The following ZNF385D variants were observed in gnomAD, a reference collection of about 807,000 sequenced individuals.
The protein encoded by ZNF385D is zinc finger protein 385D, also known as zinc finger protein 659.
In ZNF385D, 15 loss-of-function variants were observed where a neutral mutation model predicts 35.8. That is an observed-to-expected ratio of 0.42 (90% CI 0.28 to 0.64). The LOEUF (loss-of-function observed/expected upper bound fraction) is 0.64, where lower values mean the gene tolerates loss of function less well. Ranked by LOEUF, ZNF385D falls within the 30% of genes least tolerant of loss-of-function variation. The pLI is 0.23. For synonymous variants in ZNF385D, 212 were observed against 186.8 expected (o/e 1.13, Z -1.10); for missense variants, 474 against 494.6 (o/e 0.96, Z 0.39).
chr3:22,037,061 A>C (rs1254295117), intron 3 of ZNF385D, among the ~76,000 whole-genome samples: 1 of 151,968 alleles, frequency 6.6e-6, no homozygotes, highest in Non-Finnish European at 1.5e-5. Context: ...TTATGGCTGC[A>C]TAGTATTTTA....
intron 3 of ZNF385D, among the ~76,000 whole-genome samples, chr3:21,768,678 C>T (rs1575616368): frequency 6.6e-6 from 1 of 151,924 alleles, no homozygotes; most frequent in South Asian, 2.1e-4. Context: ...GGAATATGTG[C>T]TTTGATCACT....
At chr3:21,995,537 G>C (rs1157919852) in intron 3 of ZNF385D, among the ~76,000 whole-genome samples, 4 of 152,056 alleles carry the variant, frequency 2.6e-5, no homozygotes, top group African/African-American at 9.7e-5. Flanking sequence ...TCAATCCCCA[G>C]GTCGCTGGAT....
chr3:21,893,595 C>G (rs1028621170), intron 3 of ZNF385D, among the ~76,000 whole-genome samples: 4 of 152,106 alleles, frequency 2.6e-5, no homozygotes, highest in African/African-American at 9.7e-5. Context: ...TGTTTTCCCC[C>G]TGAACTCATT....
chr3:22,061,230 A>G (rs12639239), intron 3 of ZNF385D, among the ~76,000 whole-genome samples: 1,917 of 152,330 alleles, frequency 0.013, 29 homozygotes, highest in East Asian at 0.049. Context: ...CAGTGAGCAT[A>G]AAGTATGAAG....
At chr3:21,799,269 T>C (rs375755716) in intron 3 of ZNF385D, among the ~76,000 whole-genome samples, 5 of 152,170 alleles carry the variant, frequency 3.3e-5, no homozygotes, top group East Asian at 1.9e-4. Context: ...CCCATACATG[T>C]TTTTTGGAAT....
chr3:22,008,065 G>A (rs559388791), intron 3 of ZNF385D, among the ~76,000 whole-genome samples: 2 of 152,088 alleles, frequency 1.3e-5, no homozygotes, highest in Admixed American at 1.3e-4. Context: ...AGAGTTTGAT[G>A]AGAAGTAGAA....
chr3:22,061,264 C>T (rs902668751), intron 3 of ZNF385D, among the ~76,000 whole-genome samples: 3 of 152,158 alleles, frequency 2.0e-5, no homozygotes, highest in Admixed American at 1.3e-4. Context: ...TAAATATTAA[C>T]TGAATAATAT....
At chr3:21,794,933 T>C (rs1309509281) in intron 3 of ZNF385D, among the ~76,000 whole-genome samples, 2 of 152,170 alleles carry the variant, frequency 1.3e-5, no homozygotes, top group East Asian at 1.9e-4. Flanking sequence ...AAAATAATGA[T>C]CAGCAAATAT....
chr3:21,683,854 T>C (rs1372682195), intron 1 of ZNF385D, among the ~76,000 whole-genome samples: 2 of 149,974 alleles, frequency 1.3e-5, no homozygotes, highest in Non-Finnish European at 3.0e-5. Context: ...TAAATTCTGC[T>C]AACAAGAATG....
chr3:22,322,628 G>T (rs965824044), intron 2 of ZNF385D, among the ~76,000 whole-genome samples: 1 of 151,974 alleles, frequency 6.6e-6, no homozygotes, highest in East Asian at 1.9e-4. Context: ...TTTAATATTT[G>T]TATCTCTCCC....
At chr3:22,077,408 G>A (rs766554534) in intron 3 of ZNF385D, among the ~76,000 whole-genome samples, 1 of 151,904 alleles carries the variant, frequency 6.6e-6, no homozygotes, top group African/African-American at 2.4e-5. Flanking sequence ...AATTAAAATT[G>A]TCCAACATTG....
At chr3:22,191,302 A>G (rs762393190) in intron 2 of ZNF385D, among the ~76,000 whole-genome samples, 7 of 152,082 alleles carry the variant, frequency 4.6e-5, no homozygotes, top group Non-Finnish European at 8.8e-5. Context: ...AACAGCCTCA[A>G]CATGGAGAAA....
At chr3:22,189,134 G>T (rs1695847573) in intron 2 of ZNF385D, among the ~76,000 whole-genome samples, 1 of 151,968 alleles carries the variant, frequency 6.6e-6, no homozygotes, top group African/African-American at 2.4e-5. Flanking sequence ...GTCTTTTAGG[G>T]TTAAGTTTTG....
Position 21,682,533 on chromosome 3 carries a change from G to A in ZNF385D, c.23-17505C>T, listed in dbSNP as rs1182952386. Among the ~76,000 whole-genome samples, 8 of 150,174 alleles carry A rather than the reference G, an allele frequency of 5.3e-5. 1 individual carries two copies. The highest frequency in any genetic ancestry group is 5.9e-5 in the Non-Finnish European group (4 of 67,422). ...GAAAGGATAGTTGCAGTCATGTCTG[G>A]AAGAAAGGACACATTTTCAGGTCCT... On this transcript the variant is annotated intron_variant, in intron 1 of 7. Coordinates refer to ENST00000281523, the MANE Select transcript of ZNF385D (RefSeq NM_024697.3).
chr3:22,333,510 A>T (rs1403747107), intron 2 of ZNF385D, among the ~76,000 whole-genome samples: 2 of 151,956 alleles, frequency 1.3e-5, no homozygotes, highest in Non-Finnish European at 2.9e-5. Flanking sequence ...ATTCCTATTA[A>T]TTGGTCTTCA....
chr3:22,007,546 T>C (rs1379513533), intron 3 of ZNF385D, among the ~76,000 whole-genome samples: 3 of 152,218 alleles, frequency 2.0e-5, no homozygotes, highest in East Asian at 1.9e-4. Context: ...AATGGTTATG[T>C]AATTTTGAAA....
intron 2 of ZNF385D, among the ~76,000 whole-genome samples, chr3:21,645,149 A>G (rs541164972): frequency 1.8e-4 from 27 of 152,344 alleles, no homozygotes; most frequent in Middle Eastern, 3.4e-3. Flanking sequence ...TCAAAATCAT[A>G]TACTATATCA....
intron 2 of ZNF385D, among the ~76,000 whole-genome samples, chr3:22,177,404 G>T (rs1431135821): frequency 6.6e-6 from 1 of 151,960 alleles, no homozygotes; most frequent in Non-Finnish European, 1.5e-5. Flanking sequence ...GTTATGCCAA[G>T]AAAAAAAGTA....
rs994554094 is a variant in ZNF385D at position 21,528,128 on chromosome 3, C to T, written c.277-17105G>A. Among the ~76,000 whole-genome samples the T allele has an allele frequency of 2.0e-5, 3 of 152,054 alleles. No homozygotes were observed. The East Asian group carries it at 5.8e-4, about 29-fold the overall frequency. On this transcript the variant is annotated intron_variant, in intron 3 of 7. Transcript: ENST00000281523. ...GTTCATTGCACCATGAAGAATTTCT[C>T]AAATATTTCTGTCTTAAATGCAGAT... is the stretch of plus-strand genomic sequence containing the variant.
Sources: allele counts gnomAD v4.1 joint callset (sites outside exome capture counted in the v4.1 genomes callset), GRCh38; gene constraint gnomAD v4.1.1; transcripts MANE v1.5; gene names NCBI Gene and HGNC (gene_info 2026-07-23, HGNC 2026-07-21).